Variants in ANKS1B observed in about 807,000 individuals in gnomAD.
The protein encoded by ANKS1B is ankyrin repeat and sterile alpha motif domain-containing protein 1B.
A neutral mutation model predicts 148.3 loss-of-function variants in ANKS1B; 36 were observed. The ratio of observed to expected loss-of-function variants is 0.24; its 90% CI spans 0.19 to 0.32. The LOEUF (loss-of-function observed/expected upper bound fraction) is 0.32. Ranked by LOEUF, ANKS1B falls within the 10% of genes least tolerant of loss-of-function variation. ANKS1B has a pLI of 1.00. For missense variants in ANKS1B, 1,157 were observed against 1,542.6 expected, an observed-to-expected ratio of 0.75 and a Z score of 4.19; for synonymous variants, 542 against 560.8, an observed-to-expected ratio of 0.97 and a Z score of 0.47.
chr12:99,211,950 G>A (rs2083397787), intron 14 of ANKS1B, among the ~76,000 whole-genome samples: 1 of 152,144 alleles, frequency 6.6e-6, no homozygotes. Context: ...TTCCTAAGAA[G>A]GCCCAAGGCA....
At chr12:99,935,516 T>C (rs1044296612) in intron 1 of ANKS1B, among the ~76,000 whole-genome samples, 32 of 152,094 alleles carry the variant, frequency 2.1e-4, no homozygotes, top group African/African-American at 4.1e-4. Flanking sequence ...CTCTTAAGCA[T>C]AGGGCCCTCT....
intron 15 of ANKS1B, among the ~76,000 whole-genome samples, chr12:99,135,467 C>T (rs753905576): frequency 1.3e-5 from 2 of 152,188 alleles, no homozygotes; most frequent in Non-Finnish European, 2.9e-5. Context: ...CTTAGTGACA[C>T]ATCAGGACAC....
chr12:99,736,404 CA>C (rs2059619956), intron 8 of ANKS1B, among the ~76,000 whole-genome samples: 1 of 151,786 alleles, frequency 6.6e-6, no homozygotes, highest in Non-Finnish European at 1.5e-5. Context: ...AGTAAAGTTG[CA>C]GGACGCAAAA....
At chr12:99,138,682 C>A (rs1406908354) in intron 15 of ANKS1B, among the ~76,000 whole-genome samples, 1 of 152,150 alleles carries the variant, frequency 6.6e-6, no homozygotes, top group Non-Finnish European at 1.5e-5. Flanking sequence ...CATTACATGA[C>A]CCCTAGGGTT....
At chr12:99,233,422 G>T (rs900923968) in intron 14 of ANKS1B, among the ~76,000 whole-genome samples, 8 of 152,044 alleles carry the variant, frequency 5.3e-5, no homozygotes, top group Admixed American at 2.0e-4. Context: ...TATCTGAAAG[G>T]ATTCTAAAAA....
At chr12:99,965,459 T>C (rs7298009) in intron 1 of ANKS1B, among the ~76,000 whole-genome samples, 10,675 of 152,120 alleles carry the variant, frequency 0.07, 440 homozygotes, top group South Asian at 0.11. Flanking sequence ...CCACACAAAA[T>C]AGTTATTAAA....
intron 15 of ANKS1B, among the ~76,000 whole-genome samples, chr12:99,087,439 T>C (rs2052309604): frequency 6.6e-6 from 1 of 152,002 alleles, no homozygotes; most frequent in African/African-American, 2.4e-5. Context: ...AGCATGATAA[T>C]GAAAAGCCTA....
At chr12:99,326,519 T>A (rs1400857064) in intron 12 of ANKS1B, among the ~76,000 whole-genome samples, 6 of 152,102 alleles carry the variant, frequency 3.9e-5, no homozygotes, top group African/African-American at 1.2e-4. Context: ...TGTTTTTGAA[T>A]CTTAAAAATT....
intron 9 of ANKS1B, among the ~76,000 whole-genome samples, chr12:99,512,527 T>C (rs1386038740): frequency 6.6e-6 from 1 of 152,078 alleles, no homozygotes; most frequent in African/African-American, 2.4e-5. Flanking sequence ...GAAAAAGCAT[T>C]TGACCCAGCA....
intron 17 of ANKS1B, among the ~76,000 whole-genome samples, chr12:98,883,470 T>A (rs1479107245): frequency 6.6e-6 from 1 of 152,228 alleles, no homozygotes; most frequent in East Asian, 1.9e-4. Flanking sequence ...GACTGTTTTG[T>A]GAACAGACAG....
intron 14 of ANKS1B, among the ~76,000 whole-genome samples, chr12:99,193,009 T>C (rs991466128): frequency 2.0e-5 from 3 of 152,194 alleles, no homozygotes; most frequent in Admixed American, 6.5e-5. Flanking sequence ...ATTAACACTT[T>C]AATATATTCT....
chr12:99,352,383 T>G (rs141660953), intron 12 of ANKS1B, among the ~76,000 whole-genome samples: 8 of 151,984 alleles, frequency 5.3e-5, no homozygotes, highest in South Asian at 4.2e-4. Flanking sequence ...GACAGAAACA[T>G]CAAGCATTCT....
chr12:99,182,672 T>C (rs1021529608), intron 14 of ANKS1B, among the ~76,000 whole-genome samples: 1 of 152,182 alleles, frequency 6.6e-6, no homozygotes, highest in African/African-American at 2.4e-5. Flanking sequence ...TTTGGGTATA[T>C]ACCTAGGAGT....
At chr12:99,404,109 A>G (rs577002998) in intron 11 of ANKS1B, among the ~76,000 whole-genome samples, 1 of 146,336 alleles carries the variant, frequency 6.8e-6, no homozygotes, top group East Asian at 1.9e-4. Context: ...TCTCACTTAT[A>G]TGTGGGAGCT....
At chr12:98,905,502 G>T (rs759911805) in intron 17 of ANKS1B, among the ~76,000 whole-genome samples, 1 of 152,132 alleles carries the variant, frequency 6.6e-6, no homozygotes, top group Non-Finnish European at 1.5e-5. Flanking sequence ...GGGCGCAAAG[G>T]CTCCTGCCTG....
At chr12:98,930,582 A>G (rs907602735) in intron 17 of ANKS1B, among the ~76,000 whole-genome samples, 2 of 152,168 alleles carry the variant, frequency 1.3e-5, no homozygotes, top group African/African-American at 4.8e-5. Context: ...TATCTATATG[A>G]TGGGATAAAA....
At chr12:99,962,537 T>C (rs541074783) in intron 1 of ANKS1B, among the ~76,000 whole-genome samples, 30 of 152,164 alleles carry the variant, frequency 2.0e-4, no homozygotes, top group Non-Finnish European at 3.5e-4. Context: ...CTTTATAGAA[T>C]GATTTATATT....
intron 22 of ANKS1B, among the ~76,000 whole-genome samples, chr12:98,797,400 C>T (rs2098959489): frequency 1.3e-5 from 2 of 152,240 alleles, no homozygotes; most frequent in East Asian, 3.9e-4. Context: ...TCCATTTCTT[C>T]GTCTGTAAAA....
intron 8 of ANKS1B, among the ~76,000 whole-genome samples, chr12:99,737,072 T>A (rs150227866): frequency 1.3e-5 from 2 of 152,152 alleles, no homozygotes; most frequent in African/African-American, 2.4e-5. Context: ...GGAACTTTTA[T>A]ATGCTGTTGA....
Sources: allele counts gnomAD v4.1 joint callset (sites outside exome capture counted in the v4.1 genomes callset), GRCh38; gene constraint gnomAD v4.1.1; transcripts MANE v1.5; gene names NCBI Gene and HGNC (gene_info 2026-07-23, HGNC 2026-07-21).